Variants in PKNOX1 observed in about 807,000 individuals in gnomAD.
PKNOX1 encodes the protein PBX/knotted 1 homeobox 1.
PKNOX1 carries 15 observed loss-of-function variants against 51.9 expected under a neutral mutation model. That is an observed-to-expected ratio of 0.29 (90% CI 0.19 to 0.45). The LOEUF (loss-of-function observed/expected upper bound fraction) is 0.45. Among genes scored for constraint, PKNOX1 ranks in the 20% least tolerant of loss-of-function variants. The pLI is 1.00. For missense variants in PKNOX1, 462 were observed against 547.5 expected (o/e 0.84, Z 1.56); for synonymous variants, 219 against 211.1 (o/e 1.04, Z -0.32).
intron 8 of PKNOX1, among the ~76,000 whole-genome samples, chr21:43,023,263 A>G (rs1160200418): frequency 6.6e-6 from 1 of 151,748 alleles, no homozygotes; most frequent in African/African-American, 2.4e-5. Flanking sequence ...AGAGCCACAC[A>G]CTCATTGATG....
chr21:43,024,076 TAAAAG>T (rs986340837), intron 8 of PKNOX1, among the ~76,000 whole-genome samples: 1 of 152,160 alleles, frequency 6.6e-6, no homozygotes, highest in African/African-American at 2.4e-5. Context: ...CAATCATACA[TAAAAG>T]AAGAATACCA....
chr21:42,985,637 G>C (rs772031483), intron 1 of PKNOX1, among the ~76,000 whole-genome samples: 63 of 152,024 alleles, frequency 4.1e-4, no homozygotes, highest in Non-Finnish European at 6.9e-4. Flanking sequence ...GTCCGGCCAG[G>C]GTCTTAAAAC....
In PKNOX1 at chr21:43,021,269, T is replaced by C; in HGVS notation, c.721-34T>C. On this transcript the variant is annotated intron_variant, in intron 7 of 10. Coordinates refer to ENST00000291547, the MANE Select transcript of PKNOX1 (RefSeq NM_004571.5). This position sits in a 1 kb window ranked among gnomAD's most constrained non-coding sequence, Gnocchi z 4.6. ...AGTACTTGGATATGTGAGAATTTCC[T>C]ATGCTTTCTAATGTTATTTTTCAAC... The C allele has an allele frequency of 3.9e-6, 6 of 1,553,724 alleles. No individual in the cohort carries two copies. The highest frequency in any genetic ancestry group is 5.3e-6 in the Non-Finnish European group (6 of 1,138,822).
rs186492876 is a variant in PKNOX1 at position 42,996,679 on chromosome 21, G to C, written c.-56-7647G>C. Reference sequence around the variant, plus strand: ...TTTGTTTATTTGGAACTCTTTGGAAGCTAGCACAACTACATAGAAACCCAT... The same window carrying C: ...TTTGTTTATTTGGAACTCTTTGGAACCTAGCACAACTACATAGAAACCCAT... On this transcript the variant is annotated intron_variant, in intron 1 of 10. Transcript: ENST00000291547. 4.2e-4 allele frequency among the ~76,000 whole-genome samples: 64 copies of C among 152,286 alleles called. 1 individual carries two copies. The highest frequency in any genetic ancestry group is 3.9e-3 in the Admixed American group (59 of 15,282).
intron 9 of PKNOX1, among the ~76,000 whole-genome samples, chr21:43,027,086 T>C (rs1601304879): frequency 1.3e-5 from 2 of 152,272 alleles, no homozygotes; most frequent in East Asian, 3.9e-4. Context: ...AGTAATGCTT[T>C]TGTTTCCCTG....
At chr21:43,002,677 G>A (rs192729699) in intron 1 of PKNOX1, among the ~76,000 whole-genome samples, 5 of 152,236 alleles carry the variant, frequency 3.3e-5, no homozygotes, top group East Asian at 1.9e-4. Context: ...CTGCTGCCAC[G>A]GCTGCTGCTG....
intron 3 of PKNOX1, among the ~76,000 whole-genome samples, chr21:43,008,766 G>C (rs1247674134): frequency 6.6e-6 from 1 of 151,650 alleles, no homozygotes; most frequent in Non-Finnish European, 1.5e-5. Flanking sequence ...GTGACAGAGA[G>C]TGAGGCCCTA....
At chr21:42,996,317 G>C (rs7279932) in intron 1 of PKNOX1, among the ~76,000 whole-genome samples, 75,806 of 151,856 alleles carry the variant, frequency 0.5, 18,946 homozygotes, top group Middle Eastern at 0.59. Flanking sequence ...GGGGGCCATG[G>C]ACGGAAAATT....
chr21:42,980,780 T>TA (rs1213292227), intron 1 of PKNOX1, among the ~76,000 whole-genome samples: 5 of 152,362 alleles, frequency 3.3e-5, no homozygotes, highest in Non-Finnish European at 5.9e-5. Flanking sequence ...TGTGACACTC[T>TA]AATGCTTTGG....
Position 43,007,594 on chromosome 21 carries a change from A to C in PKNOX1, c.155A>C (p.Asp52Ala). The change falls in exon 3 of 11, where the codon GAT (aspartate) becomes GCT (alanine). Residue 52 changes from aspartate (D) to alanine (A), a missense_variant. By Grantham distance (126) the Asp-to-Ala change is moderately radical. This residue lies in a region of PKNOX1 where 129 missense variants were observed against 133.4 expected (regional missense o/e 0.97). Transcript: ENST00000291547. ...PPPVESQTPMDVDKQAIYRHP... is the reference protein window; with the variant it reads ...PPPVESQTPMAVDKQAIYRHP... ...CCTGTGGAGTCTCAGACCCCGATGG[A>C]TGTGGACAAGCAGGCCATTTATAGG... The C allele has an allele frequency of 6.2e-7, 1 of 1,614,168 alleles. No individual in the cohort carries two copies. Among genetic ancestry groups the C allele is most frequent in the Non-Finnish European group, 8.5e-7 (1 of 1,180,020 alleles).
At chr21:43,029,424 G>T (rs200285085) in intron 10 of PKNOX1, among the ~76,000 whole-genome samples, 89 of 63,284 alleles carry the variant, frequency 1.4e-3, no homozygotes, top group South Asian at 3.4e-3. Flanking sequence ...TGTTTGCTTT[G>T]TTTTTTTTTT....
At chr21:42,988,905 A>G (rs368529817) in intron 1 of PKNOX1, among the ~76,000 whole-genome samples, 2 of 138,630 alleles carry the variant, frequency 1.4e-5, no homozygotes. Flanking sequence ...TGCGGGCTGG[A>G]TGAGGACCCC....
At chr21:43,014,745 G>A (rs1353976567) in intron 5 of PKNOX1, among the ~76,000 whole-genome samples, 1 of 152,162 alleles carries the variant, frequency 6.6e-6, no homozygotes, top group Non-Finnish European at 1.5e-5. Context: ...ATTTAAATCC[G>A]TGATCCATTT....
chr21:42,989,285 CA>C (rs34755494), intron 1 of PKNOX1, among the ~76,000 whole-genome samples: 5,342 of 152,122 alleles, frequency 0.035, 134 homozygotes, highest in Middle Eastern at 0.061. Context: ...GGCCTATCCC[CA>C]ACCTGTTTTT....
chr21:42,980,789 G>C (rs1038787990), intron 1 of PKNOX1, among the ~76,000 whole-genome samples: 1 of 152,170 alleles, frequency 6.6e-6, no homozygotes, highest in Non-Finnish European at 1.5e-5. Context: ...CTAATGCTTT[G>C]GAAAATACCT....
At chr21:42,987,382 CAAAAA>C (rs1181890321) in intron 1 of PKNOX1, among the ~76,000 whole-genome samples, 2,451 of 47,728 alleles carry the variant, frequency 0.051, 66 homozygotes, top group African/African-American at 0.085. Context: ...AACTCCCTCT[CAAAAA>C]AAAAAAAAAA....
intron 1 of PKNOX1, among the ~76,000 whole-genome samples, chr21:42,987,404 A>ATAT (rs1555858104): frequency 1.9e-4 from 8 of 41,410 alleles, no homozygotes; most frequent in African/African-American, 4.7e-4. Context: ...AAAAAAAAAA[A>ATAT]ATATATATAT....
intron 10 of PKNOX1, 119 bp from the exon 11 acceptor site, chr21:43,029,771 C>A: frequency 1.2e-6 from 1 of 855,918 alleles, no homozygotes; most frequent in Non-Finnish European, 1.9e-6. Context: ...ATTCCCTAAA[C>A]ATATATAGGT....
intron 7 of PKNOX1, 43 bp downstream of exon 7, chr21:43,018,273 C>T (rs777395295): frequency 4.8e-6 from 6 of 1,254,732 alleles, no homozygotes; most frequent in Non-Finnish European, 7.0e-6. Flanking sequence ...GCGAGTGCTG[C>T]CCACATAGGG....
Sources: allele counts gnomAD v4.1 joint callset (sites outside exome capture counted in the v4.1 genomes callset), GRCh38; gene constraint gnomAD v4.1.1; regional missense constraint gnomAD v4.1.1; non-coding constraint Gnocchi (gnomAD v3.1); transcripts MANE v1.5; gene names NCBI Gene and HGNC (gene_info 2026-07-23, HGNC 2026-07-21).